Variants in KCNQ3 observed in about 807,000 individuals in gnomAD.
The protein encoded by KCNQ3 is potassium voltage-gated channel subfamily Q member 3, also known as potassium voltage-gated channel subfamily KQT member 3.
In KCNQ3, 30 loss-of-function variants were observed where a neutral mutation model predicts 92.5. The ratio of observed to expected loss-of-function variants is 0.32; its 90% CI spans 0.24 to 0.44. KCNQ3 has a LOEUF of 0.44. Among genes scored for constraint, KCNQ3 ranks in the 20% least tolerant of loss-of-function variants. KCNQ3 has a pLI of 1.00. For missense variants in KCNQ3, 913 were observed against 1,140.3 expected, an observed-to-expected ratio of 0.80 and a Z score of 2.87; for synonymous variants, 450 against 468.8, an observed-to-expected ratio of 0.96 and a Z score of 0.52.
intron 1 of KCNQ3, among the ~76,000 whole-genome samples, chr8:132,223,124 A>G (rs1303955780): frequency 6.6e-6 from 1 of 152,230 alleles, no homozygotes; most frequent in Non-Finnish European, 1.5e-5. Context: ...GAGATAATAC[A>G]GAGAATAATG....
At chr8:132,155,005 C>T (rs1184273674) in intron 9 of KCNQ3, among the ~76,000 whole-genome samples, 1 of 152,168 alleles carries the variant, frequency 6.6e-6, no homozygotes, top group African/African-American at 2.4e-5. Flanking sequence ...ATCTACTTAG[C>T]CCTTGAGAGG....
rs997018866 is a variant in KCNQ3, at chr8:132,175,468, G to A, written c.918C>T (p.Ala306=). The stretch of plus-strand genomic sequence containing the variant: ...AGTGACTCACCAGGCCCCACCACAG[G>A]GCATCTGCATAGGTCTCAAACTCCT... ...MKEEFETYAD[A]LWWGLITLAT... is the part of the protein sequence containing the mutation. The change falls in exon 5 of 15, where the codon GCC becomes GCT. Residue 306 remains alanine (A), a synonymous_variant. Coordinates refer to ENST00000388996, the MANE Select transcript of KCNQ3 (RefSeq NM_004519.4). 4 of 1,614,000 alleles carry A rather than the reference G, an allele frequency of 2.5e-6. No individual in the cohort carries two copies. In the African/African-American group the frequency reaches 4.0e-5, roughly 16 times the overall value.
At chr8:132,414,946 C>T (rs1280370594) in intron 1 of KCNQ3, among the ~76,000 whole-genome samples, 1 of 152,236 alleles carries the variant, frequency 6.6e-6, no homozygotes, top group Non-Finnish European at 1.5e-5. Flanking sequence ...TGAGTTAGGG[C>T]TCCGAGCCCC....
chr8:132,394,904 T>A (rs1010384794), intron 1 of KCNQ3, among the ~76,000 whole-genome samples: 1 of 152,158 alleles, frequency 6.6e-6, no homozygotes, highest in Non-Finnish European at 1.5e-5. Flanking sequence ...AAGACACAAC[T>A]TAAGACCAAT....
At chr8:132,325,140 G>A (rs1015636787) in intron 1 of KCNQ3, among the ~76,000 whole-genome samples, 16 of 152,004 alleles carry the variant, frequency 1.1e-4, no homozygotes, top group Admixed American at 2.6e-4. Flanking sequence ...TGGCTTTCTC[G>A]AGCCTTGTCC....
chr8:132,243,092 T>C (rs1305902770), intron 1 of KCNQ3, among the ~76,000 whole-genome samples: 1 of 152,208 alleles, frequency 6.6e-6, no homozygotes, highest in Non-Finnish European at 1.5e-5. Flanking sequence ...GCCTTCAGGA[T>C]GGGAAGACAG....
intron 1 of KCNQ3, among the ~76,000 whole-genome samples, chr8:132,300,424 G>T (rs1001804988): frequency 6.6e-6 from 1 of 152,170 alleles, no homozygotes; most frequent in Admixed American, 6.5e-5. Context: ...ACTCTGAGGG[G>T]CTGCTGAAGG....
intron 1 of KCNQ3, among the ~76,000 whole-genome samples, chr8:132,294,001 T>G (rs1282697978): frequency 6.5e-4 from 11 of 16,964 alleles, no homozygotes; most frequent in African/African-American, 1.3e-3. Context: ...GTGTGTGTGG[T>G]TTTTTTTTTT....
At chr8:132,448,267 C>G (rs2130846831) in intron 1 of KCNQ3, among the ~76,000 whole-genome samples, 1 of 152,110 alleles carries the variant, frequency 6.6e-6, no homozygotes, top group Middle Eastern at 3.4e-3. Context: ...CTTAGGAAGG[C>G]AATTACTTTT....
intron 9 of KCNQ3, among the ~76,000 whole-genome samples, chr8:132,144,057 G>A (rs1288467406): frequency 1.3e-5 from 2 of 152,190 alleles, no homozygotes; most frequent in East Asian, 3.9e-4. Context: ...AAGATAATGA[G>A]AGGACTCTCT....
At chr8:132,147,806 G>C (rs1357215020) in intron 9 of KCNQ3, among the ~76,000 whole-genome samples, 2 of 152,212 alleles carry the variant, frequency 1.3e-5, no homozygotes, top group Admixed American at 1.3e-4. Context: ...TGCAGACTGA[G>C]TGCCCAGCAC....
intron 1 of KCNQ3, among the ~76,000 whole-genome samples, chr8:132,477,205 T>C (rs1042353405): frequency 1.3e-5 from 2 of 152,206 alleles, no homozygotes; most frequent in African/African-American, 4.8e-5. Flanking sequence ...CAGGTATTTC[T>C]TTATAGCACT....
In KCNQ3 at chr8:132,480,811, C is replaced by T. The variant is rs934639596; in HGVS notation, c.-279G>A. ...GGGGGCTGCGGAGAAGCTGGGAGGG[C>T]GCGCGAGGCTGGCGCGGAGGCGCTA... On this transcript the variant is annotated 5_prime_UTR_variant, in exon 1 of 15. Coordinates refer to ENST00000388996, the MANE Select transcript of KCNQ3 (RefSeq NM_004519.4). The T allele has an allele frequency of 6.1e-6, 1 of 164,984 alleles. No individual in the cohort carries two copies. Among genetic ancestry groups the T allele is most frequent in the African/African-American group, 2.4e-5 (1 of 41,270 alleles). The allele number at this position is 164,984 out of a possible 1,614,324, so 10.2% of individuals were successfully genotyped here. A position where few individuals can be genotyped will look rare whatever the true frequency, so the allele number is the denominator to read the frequency against.
chr8:132,187,783 GTGGTGGCGGTGGTGGTGATAGTGA>G (rs1267627914), intron 1 of KCNQ3, among the ~76,000 whole-genome samples: 11 of 150,102 alleles, frequency 7.3e-5, no homozygotes, highest in African/African-American at 2.7e-4. Context: ...GATAGTGATG[GTGGTGGCGGTGGTGGTGATAGTGA>G]TGGTGGTGGT....
chr8:132,166,685 TA>T (rs574614019), intron 8 of KCNQ3, among the ~76,000 whole-genome samples: 260 of 152,064 alleles, frequency 1.7e-3, no homozygotes, highest in African/African-American at 5.8e-3. Context: ...TAATTTGTAA[TA>T]AAAAAAATAA....
chr8:132,389,414 T>C (rs182319677), intron 1 of KCNQ3, among the ~76,000 whole-genome samples: 115 of 152,302 alleles, frequency 7.6e-4, no homozygotes, highest in Non-Finnish European at 1.5e-3. Flanking sequence ...TTGCACTCCA[T>C]CCTGGCCAAC....
At chr8:132,205,081 C>T (rs2130275201) in intron 1 of KCNQ3, among the ~76,000 whole-genome samples, 1 of 152,290 alleles carries the variant, frequency 6.6e-6, no homozygotes, top group South Asian at 2.1e-4. Flanking sequence ...TCACTCTCAT[C>T]AGGATCATTT....
At chr8:132,164,233 T>C (rs1435775359) in intron 8 of KCNQ3, among the ~76,000 whole-genome samples, 1 of 151,776 alleles carries the variant, frequency 6.6e-6, no homozygotes, top group Non-Finnish European at 1.5e-5. Flanking sequence ...CTCCTAGGGG[T>C]TCTTATTCAA....
At chr8:132,195,403 C>T (rs144214313) in intron 1 of KCNQ3, among the ~76,000 whole-genome samples, 166 of 152,310 alleles carry the variant, frequency 1.1e-3, no homozygotes, top group African/African-American at 3.7e-3. Context: ...AGCAACTTGA[C>T]GCAGCTGAGC....
Sources: gnomAD v4.1 joint callset for allele counts (sites outside exome capture counted in the v4.1 genomes callset) on GRCh38, gnomAD v4.1.1 for gene constraint, MANE v1.5 for transcripts, NCBI Gene and HGNC (gene_info 2026-07-23, HGNC 2026-07-21) for gene names.